CAST: variants seen among roughly 807,000 people sequenced by gnomAD.
The protein encoded by CAST is MIR583 host.
Under a neutral mutation model 119.6 loss-of-function variants are expected in CAST, and 76 were observed. That is an observed-to-expected ratio of 0.64 (90% CI 0.53 to 0.77). CAST has a LOEUF of 0.77. CAST is among the 30% of genes least tolerant of loss of function. CAST has a pLI of 0.00. For synonymous variants in CAST, 319 were observed against 331.6 expected (o/e 0.96, Z 0.41); for missense variants, 953 against 946.5 (o/e 1.01, Z -0.09).
chr5:95,964,949 AT>A, the CAST span: 1 of 152,288 alleles, frequency 6.6e-6, no homozygotes, highest in South Asian at 2.1e-4. Flanking sequence ...GGCAAAGGAT[AT>A]GTGACTATCA....
chr5:96,669,094 G>A (rs1287695824), intron 1 of CAST, among the ~76,000 whole-genome samples: 1 of 152,202 alleles, frequency 6.6e-6, no homozygotes, highest in African/African-American at 2.4e-5. Context: ...AGCCAGCAAA[G>A]TTCCACTACA....
At chr5:96,512,978 A>T in the CAST span, among the ~76,000 whole-genome samples, 2 of 152,204 alleles carry the variant, frequency 1.3e-5, no homozygotes, top group Non-Finnish European at 2.9e-5. Context: ...TGTACTTAAG[A>T]TCCAAGCACT....
the CAST span, among the ~76,000 whole-genome samples, chr5:96,424,760 C>T: frequency 1.3e-5 from 2 of 151,894 alleles, no homozygotes; most frequent in Non-Finnish European, 2.9e-5. Context: ...GTCAGGAGTT[C>T]GAGACCAGAC....
At chr5:96,623,214 T>C (rs1747655295) in intron 1 of CAST, among the ~76,000 whole-genome samples, 1 of 152,176 alleles carries the variant, frequency 6.6e-6, no homozygotes, top group African/African-American at 2.4e-5. Context: ...TCTGCTGTGA[T>C]TGTGTCTTAG....
chr5:96,332,705 A>C, the CAST span, among the ~76,000 whole-genome samples: 2 of 152,124 alleles, frequency 1.3e-5, no homozygotes, highest in Non-Finnish European at 2.9e-5. Flanking sequence ...ATAATGAAGA[A>C]AACTGTCCGG....
chr5:96,135,111 G>A, the CAST span, among the ~76,000 whole-genome samples: 1 of 152,160 alleles, frequency 6.6e-6, no homozygotes, highest in East Asian at 1.9e-4. Context: ...AGCAGGACAG[G>A]CCAGGTTCCC....
the CAST span, among the ~76,000 whole-genome samples, chr5:96,108,786 A>C: frequency 6.6e-6 from 1 of 152,200 alleles, no homozygotes; most frequent in African/African-American, 2.4e-5. Context: ...TGTTTACCTA[A>C]GCAAGCCTGG....
At chr5:96,546,336 G>A (rs1348356458) in intron 1 of CAST, 1 of 152,078 alleles carries the variant, frequency 6.6e-6, no homozygotes, top group African/African-American at 2.4e-5. Flanking sequence ...TTTACTTATT[G>A]GCTCTGCCCA....
the CAST span, among the ~76,000 whole-genome samples, chr5:96,258,676 A>G: frequency 6.6e-6 from 1 of 152,210 alleles, no homozygotes. Flanking sequence ...TGAGAAAACC[A>G]GGTCACTTTA....
the CAST span, among the ~76,000 whole-genome samples, chr5:96,501,325 C>T: frequency 2.2e-4 from 33 of 152,204 alleles, no homozygotes; most frequent in African/African-American, 7.7e-4. Flanking sequence ...TTTAAAAACT[C>T]TTATCTATAA....
chr5:96,642,124 A>G (rs1051894391), intron 1 of CAST, among the ~76,000 whole-genome samples: 1 of 152,150 alleles, frequency 6.6e-6, no homozygotes, highest in African/African-American at 2.4e-5. Flanking sequence ...CCAGAAACCA[A>G]CCAGATGTTA....
At chr5:96,170,504 T>C in the CAST span, among the ~76,000 whole-genome samples, 3 of 152,338 alleles carry the variant, frequency 2.0e-5, no homozygotes, top group South Asian at 2.1e-4. Flanking sequence ...TATTATTGTA[T>C]ACCTTGAAAG....
intron 1 of CAST, among the ~76,000 whole-genome samples, chr5:96,618,795 C>A (rs375541131): frequency 2.0e-5 from 3 of 152,216 alleles, no homozygotes; most frequent in Admixed American, 6.5e-5. Context: ...GAGCCTCCCC[C>A]ACCCCGTGGG....
chr5:96,134,261 C>A, the CAST span, among the ~76,000 whole-genome samples: 9 of 152,128 alleles, frequency 5.9e-5, no homozygotes, highest in African/African-American at 1.7e-4. Context: ...AACTGCAGAC[C>A]CACAAGAATA....
At position 96,621,262 on chromosome 5, in the gene CAST, AGTTCAGCTAG is replaced by A. The variant is rs371448202; in HGVS notation, c.61-54268_61-54259del. Reference sequence around the variant, plus strand: ...AGGTTGACTCTTTGGTGGCTATATCAGTTCAGCTAGGTTCAGCTGCCCATGTGAGCAAATA... The same window carrying A: ...AGGTTGACTCTTTGGTGGCTATATCAGTTCAGCTGCCCATGTGAGCAAATA... On this transcript the variant is annotated intron_variant, in intron 1 of 11. Transcript: ENST00000505143. 4.1e-4 allele frequency among the ~76,000 whole-genome samples: 63 copies of A among 152,358 alleles called. 2 individuals are homozygous for A. In the East Asian group the frequency reaches 0.012, roughly 28 times the overall value.
At chr5:96,606,940 C>G (rs1024973112) in intron 1 of CAST, among the ~76,000 whole-genome samples, 1 of 152,174 alleles carries the variant, frequency 6.6e-6, no homozygotes, top group South Asian at 2.1e-4. Flanking sequence ...GAATAAGGCC[C>G]GCAATCTGTG....
chr5:96,639,549 G>T (rs1243002532), intron 1 of CAST, among the ~76,000 whole-genome samples: 1 of 152,230 alleles, frequency 6.6e-6, no homozygotes, highest in Non-Finnish European at 1.5e-5. Flanking sequence ...GTCCAGAGGG[G>T]AAGAAGTCAA....
chr5:96,097,031 G>A, the CAST span, among the ~76,000 whole-genome samples: 1 of 152,150 alleles, frequency 6.6e-6, no homozygotes, highest in Non-Finnish European at 1.5e-5. Context: ...CTGATATTTT[G>A]ATTAAGTTTG....
the CAST span, among the ~76,000 whole-genome samples, chr5:96,071,546 C>T: frequency 2.0e-5 from 3 of 152,286 alleles, no homozygotes; most frequent in South Asian, 6.2e-4. Flanking sequence ...CCAGCCCTCA[C>T]CTGTACCCAA....
Sources: gnomAD v4.1 joint callset for allele counts (sites outside exome capture counted in the v4.1 genomes callset) on GRCh38, gnomAD v4.1.1 for gene constraint, MANE v1.5 for transcripts, NCBI Gene and HGNC (gene_info 2026-07-23, HGNC 2026-07-21) for gene names.